Variants in SORBS2 observed in about 807,000 individuals in gnomAD.
The protein encoded by SORBS2 is sorbin and SH3 domain-containing protein 2.
Under a neutral mutation model 97.7 loss-of-function variants are expected in SORBS2, and 46 were observed. The ratio of observed to expected loss-of-function variants is 0.47; its 90% CI spans 0.37 to 0.60. SORBS2 has a LOEUF of 0.60. SORBS2 is among the 20% of genes least tolerant of loss of function. SORBS2 has a pLI of 0.00. For missense variants in SORBS2, 1,316 were observed against 1,282.3 expected (o/e 1.03, Z -0.40); for synonymous variants, 476 against 473.4 (o/e 1.01, Z -0.07).
In SORBS2 at chr4:185,662,251, A is replaced by G; in HGVS notation, c.-45-9T>C. The stretch of plus-strand genomic sequence containing the variant: ...TTCACTGTTATCTGGCTCTGAGAAA[A>G]GCGCAAAGGCATCGAGTTAAATTAG... On this transcript the variant is annotated splice_polypyrimidine_tract_variant and intron_variant, in intron 4 of 20. Coordinates refer to the SORBS2 transcript ENST00000284776. 6.3e-7 allele frequency: 1 copy of G among 1,597,716 alleles called. No homozygotes were observed. Among genetic ancestry groups the G allele is most frequent in the Non-Finnish European group, 8.5e-7 (1 of 1,171,530 alleles).
At chr4:185,740,103 T>C (rs1047311757) in intron 2 of SORBS2, 1 of 152,570 alleles carries the variant, frequency 6.6e-6, no homozygotes, top group African/African-American at 2.4e-5. Flanking sequence ...AAACCAGAAA[T>C]AATACCCTTC....
intron 1 of SORBS2, among the ~76,000 whole-genome samples, chr4:185,854,559 G>C (rs1448031055): frequency 6.6e-6 from 1 of 152,122 alleles, no homozygotes; most frequent in African/African-American, 2.4e-5. Flanking sequence ...ATGGTTCTTT[G>C]TCAAAAGATG....
At chr4:185,627,122 A>G in intron 5 of SORBS2, 103 bp from the exon 18 acceptor site, 8 of 910,714 alleles carry the variant, frequency 8.8e-6, no homozygotes, top group South Asian at 1.5e-5. Context: ...TAACTCCTAA[A>G]CCTCTATCCC....
At chr4:185,749,561 A>G (rs895892292) in intron 2 of SORBS2, among the ~76,000 whole-genome samples, 1 of 152,216 alleles carries the variant, frequency 6.6e-6, no homozygotes, top group Non-Finnish European at 1.5e-5. Context: ...AATTACAGAC[A>G]TAAGTGTGTG....
chr4:185,653,017 G>T (rs1206629821), intron 1 of SORBS2, among the ~76,000 whole-genome samples: 1 of 152,100 alleles, frequency 6.6e-6, no homozygotes, highest in Non-Finnish European at 1.5e-5. Flanking sequence ...GTTGATATTT[G>T]CACAAATATA....
intron 2 of SORBS2, among the ~76,000 whole-genome samples, chr4:185,697,862 A>G (rs953545284): frequency 9.9e-5 from 15 of 152,170 alleles, no homozygotes; most frequent in African/African-American, 3.4e-4. Flanking sequence ...TTAAAATTTT[A>G]TGCTTTGCTA....
chr4:185,768,238 C>T (rs1324617486), intron 2 of SORBS2, among the ~76,000 whole-genome samples: 2 of 152,168 alleles, frequency 1.3e-5, no homozygotes, highest in Non-Finnish European at 2.9e-5. Context: ...GGCTTGGTAA[C>T]AGAATCCCAT....
chr4:185,724,268 T>G (rs1415500806), intron 2 of SORBS2, among the ~76,000 whole-genome samples: 1 of 151,944 alleles, frequency 6.6e-6, no homozygotes, highest in African/African-American at 2.4e-5. Context: ...GATCTTAAGC[T>G]GTGCTGGGAC....
At chr4:185,694,555 A>T (rs1456024385) in intron 2 of SORBS2, among the ~76,000 whole-genome samples, 1 of 152,176 alleles carries the variant, frequency 6.6e-6, no homozygotes, top group African/African-American at 2.4e-5. Flanking sequence ...GGTTTTACTT[A>T]TGGATTAGAG....
chr4:185,753,979 T>C (rs758086420), intron 2 of SORBS2, among the ~76,000 whole-genome samples: 1 of 152,166 alleles, frequency 6.6e-6, no homozygotes, highest in Non-Finnish European at 1.5e-5. Context: ...AATCATTTTA[T>C]CATAAAGACA....
intron 1 of SORBS2, among the ~76,000 whole-genome samples, chr4:185,834,916 AAATCTCATGTTGAATTGT>A (rs752634822): frequency 1.8e-4 from 27 of 152,166 alleles, no homozygotes; most frequent in Non-Finnish European, 3.2e-4. Context: ...GTTGCCACCC[AAATCTCATGTTGAATTGT>A]AATCCCCCGT....
intron 12 of SORBS2, among the ~76,000 whole-genome samples, chr4:185,600,035 T>C (rs1280042316): frequency 1.3e-5 from 2 of 152,200 alleles, no homozygotes; most frequent in Non-Finnish European, 1.5e-5. Flanking sequence ...CCAGGACACA[T>C]ATCTCGCTTT....
intron 1 of SORBS2, among the ~76,000 whole-genome samples, chr4:185,904,810 G>A (rs1305405980): frequency 6.6e-6 from 1 of 152,014 alleles, no homozygotes; most frequent in Non-Finnish European, 1.5e-5. Context: ...TACCTCCAAG[G>A]GTAAAAGAAA....
At chr4:185,816,389 T>C (rs868541800) in intron 1 of SORBS2, among the ~76,000 whole-genome samples, 2 of 148,646 alleles carry the variant, frequency 1.3e-5, no homozygotes, top group Middle Eastern at 6.8e-3. Flanking sequence ...GCAAAGACTT[T>C]TGTAAAGCTT....
intron 1 of SORBS2, among the ~76,000 whole-genome samples, chr4:185,827,741 CCATCATCACCATCATCACCAT>C (rs1484244870): frequency 0.027 from 645 of 23,864 alleles, 47 homozygotes; most frequent in African/African-American, 0.075. Context: ...ATCATCATCA[CCATCATCACCATCATCACCAT>C]CATCATCACC....
At chr4:185,813,976 G>A (rs957459187) in intron 1 of SORBS2, among the ~76,000 whole-genome samples, 1 of 152,138 alleles carries the variant, frequency 6.6e-6, no homozygotes, top group African/African-American at 2.4e-5. Context: ...ATTTCTCAAT[G>A]CCTCTAAATG....
intron 1 of SORBS2, among the ~76,000 whole-genome samples, 191 bp from the exon 10 acceptor site, chr4:185,652,919 T>C (rs1349417079): frequency 6.6e-6 from 1 of 152,252 alleles, no homozygotes; most frequent in Non-Finnish European, 1.5e-5. Context: ...TGTAAACATA[T>C]GGCCTTGTGT....
chr4:185,682,587 T>TAA (rs1424092424), intron 2 of SORBS2, among the ~76,000 whole-genome samples: 1 of 152,196 alleles, frequency 6.6e-6, no homozygotes. Flanking sequence ...TCGAAGGCAA[T>TAA]AAATATTTAT....
At chr4:185,886,569 A>AAAG (rs796192562) in intron 1 of SORBS2, among the ~76,000 whole-genome samples, 18,016 of 134,294 alleles carry the variant, frequency 0.13, 1,778 homozygotes, top group East Asian at 0.43. Context: ...AAAAAAAAAA[A>AAAG]AAAAGAAAAG....
Sources: gnomAD v4.1 joint callset for allele counts (sites outside exome capture counted in the v4.1 genomes callset) on GRCh38, gnomAD v4.1.1 for gene constraint, MANE v1.5 for transcripts, NCBI Gene and HGNC (gene_info 2026-07-23, HGNC 2026-07-21) for gene names.